Variants in TMEM108 observed in about 807,000 individuals in gnomAD.
TMEM108 encodes cancer/testis antigen 124.
In TMEM108, 12 loss-of-function variants were observed where a neutral mutation model predicts 35.1. The observed-to-expected ratio is 0.34, with a 90% CI of 0.22 to 0.55. TMEM108 has a LOEUF of 0.55. Among genes scored for constraint, TMEM108 ranks in the 20% least tolerant of loss-of-function variants. TMEM108 has a pLI of 0.89. For missense variants in TMEM108, 680 were observed against 753.3 expected (o/e 0.90, Z 1.14); for synonymous variants, 287 against 308.6 (o/e 0.93, Z 0.73).
At chr3:133,347,338 A>G (rs898298735) in intron 3 of TMEM108, among the ~76,000 whole-genome samples, 4 of 152,090 alleles carry the variant, frequency 2.6e-5, no homozygotes, top group African/African-American at 9.7e-5. Context: ...TTGTCCACAT[A>G]CAGATCTTGT....
chr3:133,057,383 G>C (rs1326845536), intron 2 of TMEM108, among the ~76,000 whole-genome samples: 1 of 82,476 alleles, frequency 1.2e-5, no homozygotes, highest in Non-Finnish European at 2.7e-5. Context: ...TATTTTTCTA[G>C]TTTGATCTAC....
intron 3 of TMEM108, among the ~76,000 whole-genome samples, chr3:133,350,834 T>C (rs971848651): frequency 3.3e-5 from 5 of 152,086 alleles, no homozygotes; most frequent in Non-Finnish European, 1.5e-5. Flanking sequence ...AAAGGCAGTT[T>C]TACATACTGA....
chr3:133,241,324 G>A (rs1285937525), intron 3 of TMEM108, among the ~76,000 whole-genome samples: 1 of 152,238 alleles, frequency 6.6e-6, no homozygotes, highest in African/African-American at 2.4e-5. Context: ...TCCCTCTCCT[G>A]TTCATCCATT....
chr3:133,290,259 C>T (rs1947044008), intron 3 of TMEM108, among the ~76,000 whole-genome samples: 1 of 152,204 alleles, frequency 6.6e-6, no homozygotes, highest in Non-Finnish European at 1.5e-5. Context: ...AGAGAACTAT[C>T]AACCACTTAG....
intron 3 of TMEM108, among the ~76,000 whole-genome samples, chr3:133,256,312 T>G (rs1461737133): frequency 6.6e-6 from 1 of 152,168 alleles, no homozygotes; most frequent in Non-Finnish European, 1.5e-5. Context: ...GGACATTCAT[T>G]TACAGAACTT....
chr3:133,273,571 G>A (rs1362914284), intron 3 of TMEM108, among the ~76,000 whole-genome samples: 2 of 152,202 alleles, frequency 1.3e-5, no homozygotes, highest in Non-Finnish European at 2.9e-5. Flanking sequence ...ACTTTGGAGA[G>A]TCCCTTCTTC....
intron 3 of TMEM108, among the ~76,000 whole-genome samples, chr3:133,232,657 G>A (rs1429703727): frequency 6.6e-6 from 1 of 152,200 alleles, no homozygotes; most frequent in Non-Finnish European, 1.5e-5. Context: ...TGCCCAGCTG[G>A]GGCTAAGGGA....
intron 2 of TMEM108, among the ~76,000 whole-genome samples, chr3:133,052,318 T>C (rs1410536235): frequency 6.6e-6 from 1 of 152,122 alleles, no homozygotes; most frequent in African/African-American, 2.4e-5. Flanking sequence ...AGTTGACCTT[T>C]GTATATTATT....
chr3:133,357,899 A>C (rs970316338), intron 3 of TMEM108, among the ~76,000 whole-genome samples: 1 of 152,178 alleles, frequency 6.6e-6, no homozygotes, highest in African/African-American at 2.4e-5. Context: ...CATCCATGTA[A>C]CCAAAAACCA....
chr3:133,368,823 G>A (rs1013458529), intron 3 of TMEM108, among the ~76,000 whole-genome samples: 2 of 152,162 alleles, frequency 1.3e-5, no homozygotes, highest in African/African-American at 4.8e-5. Flanking sequence ...GTGCTCTTAT[G>A]ATGTATCAGA....
intron 3 of TMEM108, among the ~76,000 whole-genome samples, chr3:133,233,542 T>C (rs1576400031): frequency 2.0e-5 from 3 of 152,352 alleles, no homozygotes. Context: ...TATAATCCTT[T>C]GGGTATATAC....
intron 2 of TMEM108, among the ~76,000 whole-genome samples, chr3:133,079,123 T>TAA (rs1218234445): frequency 1.3e-5 from 2 of 152,216 alleles, no homozygotes; most frequent in African/African-American, 4.8e-5. Flanking sequence ...GGGGAAGACA[T>TAA]AATTGCTGAC....
intron 3 of TMEM108, among the ~76,000 whole-genome samples, chr3:133,277,714 C>T (rs1381445693): frequency 1.3e-5 from 2 of 152,252 alleles, no homozygotes; most frequent in African/African-American, 2.4e-5. Context: ...TAACTTACCT[C>T]ACAGCCTTTC....
rs527373125 is a variant in TMEM108 at position 133,238,360 on chromosome 3, C to T, written c.40+9009C>T. Reference sequence around the variant, plus strand: ...CATGTTTGATTTAATTAACATATTTCGTCAAATCTAAGATGCTAGTAGTTT... The same window carrying T: ...CATGTTTGATTTAATTAACATATTTTGTCAAATCTAAGATGCTAGTAGTTT... On this transcript the variant is annotated intron_variant, in intron 3 of 5. Transcript: ENST00000321871. 5.3e-5 allele frequency among the ~76,000 whole-genome samples: 8 copies of T among 152,228 alleles called. No homozygotes were observed. In the South Asian group the frequency reaches 8.3e-4, roughly 16 times the overall value.
intron 2 of TMEM108, among the ~76,000 whole-genome samples, chr3:133,094,958 G>A (rs190029652): frequency 7.9e-5 from 12 of 152,300 alleles, no homozygotes; most frequent in African/African-American, 2.9e-4. Context: ...ACAAATGAAT[G>A]AGTGGGGAGT....
intron 3 of TMEM108, among the ~76,000 whole-genome samples, chr3:133,253,959 A>T (rs935403390): frequency 5.3e-5 from 8 of 152,214 alleles, no homozygotes; most frequent in Non-Finnish European, 4.4e-5. Flanking sequence ...TTAAAGACTA[A>T]ATTGTCAACC....
Position 133,390,201 on chromosome 3 carries a change from G to T in TMEM108, c.1472G>T (p.Cys491Phe), listed in dbSNP as rs1019257122. 3 of 1,614,024 alleles carry T rather than the reference G, an allele frequency of 1.9e-6. No homozygotes were observed. The highest frequency in any genetic ancestry group is 1.3e-5 in the African/African-American group (1 of 74,908). The change falls in exon 5 of 6, where the codon TGC becomes TTC. Residue 491 changes from cysteine to phenylalanine, a missense_variant. Cys to Phe is a radical substitution (Grantham distance 205). Coordinates refer to ENST00000321871, the MANE Select transcript of TMEM108 (RefSeq NM_023943.4). The part of the protein sequence containing the change: ...SSCSVLLTVC[C>F]MKRKKKTANP... ...ATAGCTGTCCTGCTGACGGTGTGCT[G>T]CATGAAGAGGAAGAAGAAGACCGCC...
intron 2 of TMEM108, among the ~76,000 whole-genome samples, chr3:133,182,914 A>T (rs747132881): frequency 6.6e-6 from 1 of 152,222 alleles, no homozygotes; most frequent in African/African-American, 2.4e-5. Flanking sequence ...TTAGTTCTTA[A>T]CTGAAGGTAG....
At chr3:133,165,744 A>T (rs905367649) in intron 2 of TMEM108, among the ~76,000 whole-genome samples, 3 of 152,228 alleles carry the variant, frequency 2.0e-5, no homozygotes, top group Non-Finnish European at 4.4e-5. Context: ...GCTTTATGTT[A>T]AACAGGTTGG....
Sources: gnomAD v4.1 joint callset for allele counts (sites outside exome capture counted in the v4.1 genomes callset) on GRCh38, gnomAD v4.1.1 for gene constraint, MANE v1.5 for transcripts, NCBI Gene and HGNC (gene_info 2026-07-23, HGNC 2026-07-21) for gene names.